SNTG2: variants seen among roughly 807,000 people sequenced by gnomAD.
SNTG2 encodes the protein gamma-2-syntrophin.
A neutral mutation model predicts 70.9 loss-of-function variants in SNTG2; 74 were observed. The observed-to-expected ratio is 1.04, with a 90% CI of 0.86 to 1.27. The LOEUF (loss-of-function observed/expected upper bound fraction) is 1.27, where lower values mean the gene tolerates loss of function less well. Among genes scored for constraint, SNTG2 ranks in the 50% most tolerant of loss-of-function variants. The pLI is 0.00. For synonymous variants in SNTG2, 278 were observed against 273.8 expected, an observed-to-expected ratio of 1.02 and a Z score of -0.15; for missense variants, 717 against 690.7, an observed-to-expected ratio of 1.04 and a Z score of -0.43.
chr2:1,304,917 A>C (rs760908742), intron 14 of SNTG2, among the ~76,000 whole-genome samples: 3 of 152,144 alleles, frequency 2.0e-5, no homozygotes, highest in Non-Finnish European at 4.4e-5. Context: ...TTAAGCTTTC[A>C]TTAATAAGAC....
At chr2:1,273,866 A>G (rs945832904) in intron 14 of SNTG2, among the ~76,000 whole-genome samples, 4 of 152,126 alleles carry the variant, frequency 2.6e-5, no homozygotes, top group African/African-American at 9.7e-5. Context: ...AATGAAGAGA[A>G]GATATGAAAA....
intron 4 of SNTG2, among the ~76,000 whole-genome samples, chr2:1,104,949 C>T (rs1427255052): frequency 6.6e-6 from 1 of 152,178 alleles, no homozygotes; most frequent in East Asian, 1.9e-4. Context: ...GGAAATGGGG[C>T]ACCACCCCTG....
chr2:988,527 C>T (rs1328214596), intron 1 of SNTG2, among the ~76,000 whole-genome samples: 2 of 152,062 alleles, frequency 1.3e-5, no homozygotes, highest in South Asian at 2.1e-4. Flanking sequence ...AGGGTGTTAT[C>T]CTGGGTTGAG....
chr2:1,165,491 A>G, intron 6 of SNTG2, 57 bp from the exon 7 acceptor site: 2 of 1,465,956 alleles, frequency 1.4e-6, no homozygotes, highest in Non-Finnish European at 1.9e-6. Flanking sequence ...TTATTTTTTA[A>G]TTCTGTGTCT....
chr2:1,142,283 A>T (rs1295838042), intron 6 of SNTG2, among the ~76,000 whole-genome samples: 1 of 152,196 alleles, frequency 6.6e-6, no homozygotes. Context: ...TGCAGGTCAA[A>T]CCATCAGCCC....
At chr2:1,114,337 C>A (rs1666770146) in intron 4 of SNTG2, among the ~76,000 whole-genome samples, 1 of 151,120 alleles carries the variant, frequency 6.6e-6, no homozygotes, top group Non-Finnish European at 1.5e-5. Context: ...TGAGGTTCAA[C>A]ACTTACAGTC....
At chr2:1,264,454 G>A (rs1379005733) in intron 13 of SNTG2, among the ~76,000 whole-genome samples, 1 of 152,166 alleles carries the variant, frequency 6.6e-6, no homozygotes, top group Non-Finnish European at 1.5e-5. Context: ...CGTAAACCTT[G>A]AATAACACCC....
intron 6 of SNTG2, among the ~76,000 whole-genome samples, chr2:1,154,185 T>G: frequency 1.1e-4 from 16 of 148,888 alleles, no homozygotes; most frequent in South Asian, 2.1e-4. Context: ...GGGAGGAGCA[T>G]GGTTGGGGGG....
intron 12 of SNTG2, among the ~76,000 whole-genome samples, chr2:1,255,916 AT>A (rs1370119978): frequency 1.2e-4 from 10 of 84,460 alleles, no homozygotes; most frequent in Non-Finnish European, 2.1e-4. Flanking sequence ...AAATATATAT[AT>A]AAATATATAA....
At chr2:1,150,558 A>G (rs5006482) in intron 6 of SNTG2, among the ~76,000 whole-genome samples, 142,317 of 151,934 alleles carry the variant, frequency 0.94, 66,780 homozygotes, top group Non-Finnish European at 0.97. Context: ...GGATGGGGTC[A>G]GGCCAAGATG....
At chr2:955,954 TCCCTGC>T (rs67552563) in intron 1 of SNTG2, among the ~76,000 whole-genome samples, 26,317 of 150,016 alleles carry the variant, frequency 0.18, 2,559 homozygotes, top group Non-Finnish European at 0.23. Context: ...CTCAGAGCCT[TCCCTGC>T]CCCTGCCCCT....
chr2:1,228,368 G>A (rs1675942202), intron 9 of SNTG2, among the ~76,000 whole-genome samples: 1 of 152,234 alleles, frequency 6.6e-6, no homozygotes. Flanking sequence ...CTGCTGGGGG[G>A]AGGAGCGCCT....
intron 1 of SNTG2, among the ~76,000 whole-genome samples, chr2:1,038,159 TG>T (rs1342184029): frequency 4.6e-5 from 7 of 152,248 alleles, no homozygotes; most frequent in African/African-American, 7.2e-5. Flanking sequence ...TGGTTCTACT[TG>T]ATCATCTTTA....
intron 1 of SNTG2, among the ~76,000 whole-genome samples, chr2:987,626 G>A (rs923356457): frequency 2.0e-5 from 3 of 152,058 alleles, no homozygotes; most frequent in Admixed American, 6.5e-5. Context: ...CTGACGCCTC[G>A]ATTTCAGGAC....
intron 16 of SNTG2, chr2:1,346,259 C>G (rs1003759345): frequency 6.0e-5 from 9 of 149,590 alleles, no homozygotes; most frequent in African/African-American, 2.1e-4. Context: ...GCAGCCCTGC[C>G]GATAGGGCCA....
intron 8 of SNTG2, among the ~76,000 whole-genome samples, chr2:1,181,197 C>T (rs1400321263): frequency 6.7e-6 from 1 of 148,880 alleles, no homozygotes; most frequent in Non-Finnish European, 1.5e-5. Flanking sequence ...TGCACATGTA[C>T]CCTAAAACTT....
intron 16 of SNTG2, among the ~76,000 whole-genome samples, chr2:1,320,074 GTTTCC>G (rs947895132): frequency 6.6e-6 from 1 of 152,148 alleles, no homozygotes; most frequent in Non-Finnish European, 1.5e-5. Flanking sequence ...CATGAAACAA[GTTTCC>G]TTTTAGTAGT....
chr2:1,356,325 T>A (rs1391597639), intron 16 of SNTG2, among the ~76,000 whole-genome samples: 1 of 152,220 alleles, frequency 6.6e-6, no homozygotes, highest in Non-Finnish European at 1.5e-5. Flanking sequence ...TCAGGTCTTA[T>A]GTTTAAGTCG....
chr2:1,011,499 A>C (rs1325991587), intron 1 of SNTG2, among the ~76,000 whole-genome samples: 2 of 152,226 alleles, frequency 1.3e-5, no homozygotes, highest in African/African-American at 4.8e-5. Flanking sequence ...CATGATTCAG[A>C]TTTTTAAATC....
Sources: gnomAD v4.1 joint callset for allele counts (sites outside exome capture counted in the v4.1 genomes callset) on GRCh38, gnomAD v4.1.1 for gene constraint, MANE v1.5 for transcripts, NCBI Gene and HGNC (gene_info 2026-07-23, HGNC 2026-07-21) for gene names.